PCDH11X: variants seen among roughly 807,000 people sequenced by gnomAD.
PCDH11X encodes the protein protocadherin 11 X-linked.
PCDH11X carries 18 observed loss-of-function variants against 53.3 expected under a neutral mutation model. The observed-to-expected ratio is 0.34, with a 90% CI of 0.23 to 0.50. PCDH11X has a LOEUF of 0.50. Among genes scored for constraint, PCDH11X ranks in the 20% least tolerant of loss-of-function variants. The pLI, the probability that PCDH11X is intolerant of heterozygous loss-of-function variation, is 0.98. For missense variants in PCDH11X, 570 were observed against 1,032.4 expected (o/e 0.55, Z 6.14); for synonymous variants, 279 against 393.3 (o/e 0.71, Z 3.44).
chrX:92,337,709 C>T (rs1421893834), intron 8 of PCDH11X, among the ~76,000 whole-genome samples: 2 of 111,095 alleles, frequency 1.8e-5, no homozygotes, highest in Non-Finnish European at 3.8e-5. Flanking sequence ...GAGTAGATTC[C>T]TAGGGATTAA....
intron 9 of PCDH11X, among the ~76,000 whole-genome samples, chrX:92,431,943 A>G (rs1003002072): frequency 6.3e-5 from 7 of 110,628 alleles, no homozygotes; most frequent in African/African-American, 2.0e-4. Flanking sequence ...TAATTTTTAC[A>G]TATTTTAATA....
intron 6 of PCDH11X, among the ~76,000 whole-genome samples, chrX:91,996,016 AT>A (rs762408044): frequency 4.7e-4 from 46 of 98,877 alleles, no homozygotes; most frequent in Admixed American, 6.7e-4. Context: ...AATTTTTTGT[AT>A]TTTTTAGTAG....
chrX:92,119,301 C>T (rs1242378623), intron 6 of PCDH11X, among the ~76,000 whole-genome samples: 1 of 109,801 alleles, frequency 9.1e-6, no homozygotes, highest in African/African-American at 3.3e-5. Context: ...GAGATGAGGT[C>T]TCATTATGTT....
At position 92,051,301 on chromosome X, in the gene PCDH11X, T is replaced by C. The variant is rs142868990; in HGVS notation, c.3034-150074T>C. Among the ~76,000 whole-genome samples, 103 of 111,860 alleles carry C rather than the reference T, an allele frequency of 9.2e-4. No homozygotes were observed. The East Asian group carries it at 0.027, about 29-fold the overall frequency. On this transcript the variant is annotated intron_variant, in intron 6 of 10. Transcript: ENST00000682573. ...CAAGTGTTACTCTTTCTCTTCACTA[T>C]TGGAAATTGGATGATTAAATTTATT... is the stretch of plus-strand genomic sequence containing the variant.
chrX:91,866,792 A>G (rs2524517), intron 5 of PCDH11X, among the ~76,000 whole-genome samples: 3 of 111,232 alleles, frequency 2.7e-5, no homozygotes, highest in Non-Finnish European at 3.8e-5. Flanking sequence ...AGGATGATCA[A>G]TGGAAGCTTC....
At chrX:92,437,841 A>G (rs1280725599) in intron 9 of PCDH11X, among the ~76,000 whole-genome samples, 2 of 110,212 alleles carry the variant, frequency 1.8e-5, no homozygotes, top group Non-Finnish European at 3.8e-5. Flanking sequence ...CCCTAATATG[A>G]CTAAACCTTG....
chrX:92,034,649 G>A lies in PCDH11X; in HGVS notation c.3033+155376G>A, dbSNP rs533224892. 6.4e-5 allele frequency among the ~76,000 whole-genome samples: 7 copies of A among 109,753 alleles called. No individual in the cohort carries two copies. In the South Asian group the frequency reaches 2.7e-3, roughly 43 times the overall value. ...GTGTGTACATTTATAGATGAACTATGTTTATTGTAATCAACACATCATTGG... is the reference window on the plus strand; with the variant it reads ...GTGTGTACATTTATAGATGAACTATATTTATTGTAATCAACACATCATTGG... On this transcript the variant is annotated intron_variant, in intron 6 of 10. Transcript: ENST00000682573.
At chrX:92,304,513 T>C (rs1315742011) in intron 8 of PCDH11X, among the ~76,000 whole-genome samples, 1 of 111,855 alleles carries the variant, frequency 8.9e-6, no homozygotes. Flanking sequence ...TGGTCTTTTA[T>C]GACTGGTATA....
chrX:92,226,478 A>C (rs767007732), intron 7 of PCDH11X, among the ~76,000 whole-genome samples: 2 of 111,760 alleles, frequency 1.8e-5, no homozygotes, highest in South Asian at 7.5e-4. Context: ...TAATCAAACA[A>C]GGTAGTATAG....
At chrX:92,013,566 C>T (rs1282848406) in intron 6 of PCDH11X, among the ~76,000 whole-genome samples, 3 of 111,852 alleles carry the variant, frequency 2.7e-5, no homozygotes, top group African/African-American at 9.7e-5. Context: ...AAAGAGCCTG[C>T]ATTGACAAGT....
At chrX:91,998,172 G>A (rs2062450911) in intron 6 of PCDH11X, among the ~76,000 whole-genome samples, 2 of 109,980 alleles carry the variant, frequency 1.8e-5, no homozygotes, top group South Asian at 7.8e-4. Context: ...GACCTCAAGT[G>A]ATCTGCCCAC....
chrX:92,402,600 C>T (rs1010262664), intron 9 of PCDH11X, among the ~76,000 whole-genome samples: 3 of 111,571 alleles, frequency 2.7e-5, no homozygotes, highest in Middle Eastern at 4.6e-3. Context: ...GAAGCTGGAC[C>T]GCTTCCTTAC....
chrX:91,938,414 A>G (rs894157764), intron 6 of PCDH11X, among the ~76,000 whole-genome samples: 1 of 106,803 alleles, frequency 9.4e-6, no homozygotes, highest in African/African-American at 3.4e-5. Flanking sequence ...TCCACAGCTC[A>G]CAATCTTGAG....
chrX:92,060,399 C>T (rs1471913552), intron 6 of PCDH11X, among the ~76,000 whole-genome samples: 2 of 100,606 alleles, frequency 2.0e-5, no homozygotes, highest in Non-Finnish European at 4.0e-5. Flanking sequence ...TTGCATGTTA[C>T]AGGAGTTTGC....
chrX:91,961,119 T>G (rs2061782640), intron 6 of PCDH11X, among the ~76,000 whole-genome samples: 1 of 85,928 alleles, frequency 1.2e-5, no homozygotes, highest in Non-Finnish European at 2.3e-5. Flanking sequence ...TAACAGCACA[T>G]TATAATGATC....
intron 4 of PCDH11X, among the ~76,000 whole-genome samples, chrX:91,814,833 G>C (rs1936404675): frequency 1.0e-5 from 1 of 99,249 alleles, no homozygotes; most frequent in Admixed American, 1.1e-4. Context: ...TAAAGGCATA[G>C]TTAATACTAG....
At chrX:92,617,328 A>G (rs1374617296) in intron 10 of PCDH11X, among the ~76,000 whole-genome samples, 1 of 111,674 alleles carries the variant, frequency 9.0e-6, no homozygotes, top group African/African-American at 3.3e-5. Flanking sequence ...AGTTCTAAGG[A>G]GTATTGTAGT....
chrX:92,193,399 C>T (rs1397787700), intron 6 of PCDH11X, among the ~76,000 whole-genome samples: 1 of 110,714 alleles, frequency 9.0e-6, no homozygotes, highest in Non-Finnish European at 1.9e-5. Flanking sequence ...AAGAATGATG[C>T]CAATAACCTA....
intron 7 of PCDH11X, among the ~76,000 whole-genome samples, chrX:92,226,465 C>T (rs1362990696): frequency 9.0e-6 from 1 of 111,348 alleles, no homozygotes; most frequent in African/African-American, 3.3e-5. Context: ...GTGCTATGAC[C>T]CATAATCAAA....
Sources: gnomAD v4.1 joint callset for allele counts (sites outside exome capture counted in the v4.1 genomes callset) on GRCh38, gnomAD v4.1.1 for gene constraint, MANE v1.5 for transcripts, NCBI Gene and HGNC (gene_info 2026-07-23, HGNC 2026-07-21) for gene names.